PI4KA: variants seen among roughly 807,000 people sequenced by gnomAD.
PI4KA encodes the protein PI4-kinase alpha.
In PI4KA, 122 loss-of-function variants were observed where a neutral mutation model predicts 271.4. The ratio of observed to expected loss-of-function variants is 0.45; its 90% confidence interval spans 0.39 to 0.52. The LOEUF is 0.52. Among genes scored for constraint, PI4KA ranks in the 20% least tolerant of loss-of-function variants. PI4KA has a pLI of 0.00. For synonymous variants in PI4KA, 1,041 were observed against 1,078.8 expected, an observed-to-expected ratio of 0.96 and a Z score of 0.69; for missense variants, 1,969 against 2,769.1, an observed-to-expected ratio of 0.71 and a Z score of 6.48.
At chr22:20,736,095 C>T (rs775285837) in intron 32 of PI4KA, among the ~76,000 whole-genome samples, 2 of 152,000 alleles carry the variant, frequency 1.3e-5, no homozygotes, top group Admixed American at 6.6e-5. Context: ...AACAGCAGTG[C>T]GAGTGAGCGT....
chr22:20,856,496 G>A (rs573718008), intron 1 of PI4KA, among the ~76,000 whole-genome samples: 26 of 149,016 alleles, frequency 1.7e-4, no homozygotes, highest in South Asian at 4.3e-4. Context: ...GTGCAATGGC[G>A]CAATCTTGGC....
chr22:20,768,320 T>G (rs1456029845), intron 19 of PI4KA, among the ~76,000 whole-genome samples: 1 of 151,778 alleles, frequency 6.6e-6, no homozygotes, highest in African/African-American at 2.4e-5. Flanking sequence ...GATCCTCCCG[T>G]GTTGGCCTCC....
At chr22:20,743,327 A>G (rs1273476197) in intron 30 of PI4KA, among the ~76,000 whole-genome samples, 2 of 152,120 alleles carry the variant, frequency 1.3e-5, no homozygotes, top group Non-Finnish European at 2.9e-5. Context: ...CTATTTTAGT[A>G]GAGACAGGGT....
In PI4KA at chr22:20,764,873, C is replaced by T. The variant is rs778239225; in HGVS notation, c.2652G>A (p.Lys884=). ...PPPEVSALIN[K]LDFAMSTYLL... ...GGTAGGTGGACATGGCGAAGTCCAG[C>T]TTGTTGATGAGTGCGGACACCTCGG... The change falls in exon 22 of 55, where the codon AAG becomes AAA. Residue 884 remains lysine (K), a synonymous_variant. Coordinates refer to ENST00000255882, the MANE Select transcript of PI4KA (RefSeq NM_058004.4). 2 of 1,613,716 alleles carry T rather than the reference C, an allele frequency of 1.2e-6. No homozygotes were observed. The highest frequency in any genetic ancestry group is 4.5e-5 in the East Asian group (2 of 44,874).
At chr22:20,784,003 G>C (rs776571754) in intron 19 of PI4KA, 2 of 1,614,154 alleles carry the variant, frequency 1.2e-6, no homozygotes, top group Admixed American at 1.7e-5. Flanking sequence ...CAGTGGAAAT[G>C]ACACACAACC....
intron 3 of PI4KA, among the ~76,000 whole-genome samples, chr22:20,831,233 G>A (rs369247056): frequency 3.3e-5 from 5 of 151,816 alleles, no homozygotes; most frequent in South Asian, 2.1e-4. Context: ...TAGTTTGACC[G>A]GATATGAAAT....
rs531119654 is a variant in PI4KA at position 20,729,650 on chromosome 22, C to T, written c.4470G>A (p.Thr1490=). The change falls in exon 38 of 55, where the codon ACG becomes ACA. Residue 1490 remains threonine, a synonymous_variant. Transcript: ENST00000255882. Reference sequence around the variant, plus strand: ...GCCTTACCAGCAGGGACAGCAGCAGCGTCCTGCGCTTCATGTAGTATTTGT... The same window carrying T: ...GCCTTACCAGCAGGGACAGCAGCAGTGTCCTGCGCTTCATGTAGTATTTGT... ...QLHKYYMKRR[T]LLLSLLATEI... is the part of the protein sequence containing the mutation. 58 of 1,574,386 alleles carry T rather than the reference C, an allele frequency of 3.7e-5. No homozygotes were observed. In the South Asian group the frequency reaches 4.7e-4, roughly 13 times the overall value.
intron 9 of PI4KA, 97 bp from the exon 10 acceptor site, chr22:20,807,555 A>C: frequency 1.5e-6 from 1 of 684,172 alleles, no homozygotes; most frequent in Non-Finnish European, 2.6e-6. Flanking sequence ...GTGATTCGTG[A>C]CTTAGCATTC....
At chr22:20,730,327 T>G (rs972092026) in intron 36 of PI4KA, among the ~76,000 whole-genome samples, 1 of 152,178 alleles carries the variant, frequency 6.6e-6, no homozygotes, top group African/African-American at 2.4e-5. Context: ...CAGGGTGGAG[T>G]GCAATGACGT....
At chr22:20,718,030 G>A (rs534315389) in intron 44 of PI4KA, among the ~76,000 whole-genome samples, 10 of 152,284 alleles carry the variant, frequency 6.6e-5, no homozygotes, top group African/African-American at 2.2e-4. Flanking sequence ...GTGGCTGGGG[G>A]TGGTGGGGGT....
intron 2 of PI4KA, among the ~76,000 whole-genome samples, chr22:20,837,740 T>C (rs61330607): frequency 0.03 from 4,529 of 152,236 alleles, 89 homozygotes; most frequent in Middle Eastern, 0.061. Flanking sequence ...TTGGTAAATA[T>C]AAAAATACAC....
In PI4KA at chr22:20,727,218, C is replaced by T; in HGVS notation, c.4941+12G>A. ...CCTACCAGAGGCCAGCTCAGCAGGGCCCTGGGCTCACCGGAGGGAAGGACC... is the reference window on the plus strand; with the variant it reads ...CCTACCAGAGGCCAGCTCAGCAGGGTCCTGGGCTCACCGGAGGGAAGGACC... On this transcript the variant is annotated intron_variant, in intron 41 of 54. Coordinates refer to ENST00000255882, the MANE Select transcript of PI4KA (RefSeq NM_058004.4). The T allele has an allele frequency of 6.2e-7, 1 of 1,610,620 alleles. No individual in the cohort carries two copies.
intron 42 of PI4KA, among the ~76,000 whole-genome samples, chr22:20,723,364 C>A (rs1926971574): frequency 1.3e-5 from 2 of 151,742 alleles, no homozygotes; most frequent in Non-Finnish European, 2.9e-5. Flanking sequence ...TATGTATATA[C>A]ATTTGTATTG....
intron 1 of PI4KA, 75 bp downstream of exon 1, chr22:20,858,495 C>A: frequency 8.9e-7 from 1 of 1,119,562 alleles, no homozygotes; most frequent in South Asian, 2.6e-5. Flanking sequence ...CTCCCACAGA[C>A]CCTCGTCCCG....
intron 54 of PI4KA, 151 bp from the exon 55 acceptor site, chr22:20,708,249 G>A: frequency 5.6e-6 from 4 of 711,848 alleles, no homozygotes; most frequent in Non-Finnish European, 1.0e-5. Flanking sequence ...CCCCCACCCA[G>A]TGACCACATC....
chr22:20,784,978 T>C (rs1380844154), intron 19 of PI4KA, among the ~76,000 whole-genome samples: 1 of 151,888 alleles, frequency 6.6e-6, no homozygotes, highest in African/African-American at 2.4e-5. Context: ...CATCATGCTC[T>C]GTGAATTTTT....
rs200887544 is a variant in PI4KA at position 20,709,997 on chromosome 22, C to T, written c.6084G>A (p.Arg2028=). ...GGGAGACGACCGCGTCCATGTAGGG[C>T]CTGGGGAGAGATAGGAGGGAGCGGT... ...EMCVRGYLAV[R]PYMDAVVSLV... The change falls in exon 53 of 55, where the codon CGG becomes CGA. Residue 2028 remains arginine (R), a splice_region_variant and synonymous_variant. Coordinates refer to ENST00000255882, the MANE Select transcript of PI4KA (RefSeq NM_058004.4). 54 of 1,610,172 alleles carry T rather than the reference C, an allele frequency of 3.4e-5. No individual in the cohort carries two copies. The highest frequency in any genetic ancestry group is 4.2e-5 in the Non-Finnish European group (50 of 1,176,590).
At chr22:20,813,651 T>G (rs1277850829) in intron 7 of PI4KA, 145 bp from the exon 8 acceptor site, 1 of 677,820 alleles carries the variant, frequency 1.5e-6, no homozygotes, top group Non-Finnish European at 2.5e-6. Flanking sequence ...AATTAACAAC[T>G]ACAGGGTAGA....
At chr22:20,718,916 G>A in intron 43 of PI4KA, 94 bp from the exon 44 acceptor site, 4 of 1,332,772 alleles carry the variant, frequency 3.0e-6, no homozygotes, top group African/African-American at 1.5e-5. Context: ...GACTGGCAGT[G>A]CCCAGAGTAT....
Sources: gnomAD v4.1 joint callset for allele counts (sites outside exome capture counted in the v4.1 genomes callset) on GRCh38, gnomAD v4.1.1 for gene constraint, MANE v1.5 for transcripts, NCBI Gene and HGNC (gene_info 2026-07-23, HGNC 2026-07-21) for gene names.